The following COL5A1 variants were observed in gnomAD, a reference collection of about 807,000 sequenced individuals.
The protein encoded by COL5A1 is collagen type V alpha 1 chain.
A neutral mutation model predicts 263.7 loss-of-function variants in COL5A1; 16 were observed. That is an observed-to-expected ratio of 0.06 (90% CI 0.04 to 0.09). The LOEUF (loss-of-function observed/expected upper bound fraction) is 0.09. Among genes scored for constraint, COL5A1 ranks in the 10% least tolerant of loss-of-function variants. The pLI is 1.00. For synonymous variants in COL5A1, 1,012 were observed against 1,004.5 expected (o/e 1.01, Z -0.14); for missense variants, 2,036 against 2,540.5 (o/e 0.80, Z 4.27).
intron 52 of COL5A1, 125 bp downstream of exon 52, chr9:134,816,113 C>T (rs892485364): frequency 1.6e-5 from 14 of 868,730 alleles, no homozygotes; most frequent in African/African-American, 9.9e-5. Flanking sequence ...TTTATGATAT[C>T]GATTCCCTTA....
At chr9:134,659,069 C>T (rs1832121385) in intron 1 of COL5A1, among the ~76,000 whole-genome samples, 1 of 152,156 alleles carries the variant, frequency 6.6e-6, no homozygotes. Context: ...AGAGGCCCTG[C>T]AGCTAGGAAG....
chr9:134,737,355 G>C (rs987684554), intron 9 of COL5A1, among the ~76,000 whole-genome samples: 1 of 152,244 alleles, frequency 6.6e-6, no homozygotes, highest in African/African-American at 2.4e-5. Flanking sequence ...CTGGGCGGCT[G>C]ACGGGTGCTG....
At chr9:134,767,235 T>G in intron 23 of COL5A1, 75 bp from the exon 24 acceptor site, 1 of 1,522,376 alleles carries the variant, frequency 6.6e-7, no homozygotes, top group Non-Finnish European at 9.1e-7. Flanking sequence ...AATGAGAAGA[T>G]GGACAGATGG....
intron 64 of COL5A1, among the ~76,000 whole-genome samples, chr9:134,831,532 G>C (rs1185534688): frequency 6.6e-6 from 1 of 152,216 alleles, no homozygotes; most frequent in Non-Finnish European, 1.5e-5. Context: ...GGCCCGGAGG[G>C]ACAGAGCGTA....
chr9:134,737,204 A>G (rs1293389685), intron 9 of COL5A1, among the ~76,000 whole-genome samples: 4 of 152,104 alleles, frequency 2.6e-5, no homozygotes, highest in Non-Finnish European at 4.4e-5. Context: ...TTTGACCTCT[A>G]CGTGGAGGGC....
intron 18 of COL5A1, among the ~76,000 whole-genome samples, chr9:134,761,001 G>C (rs556360303): frequency 0.14 from 19,540 of 142,320 alleles, 2,176 homozygotes; most frequent in African/African-American, 0.3. Context: ...ACATACACGT[G>C]CACACCAGCC....
chr9:134,744,562 CAT>C (rs1347374707), intron 11 of COL5A1, among the ~76,000 whole-genome samples: 1 of 151,760 alleles, frequency 6.6e-6, no homozygotes, highest in Non-Finnish European at 1.5e-5. Flanking sequence ...CACACATCCA[CAT>C]ATACATGCAT....
intron 11 of COL5A1, among the ~76,000 whole-genome samples, chr9:134,746,573 G>A (rs1254604648): frequency 1.3e-5 from 2 of 152,254 alleles, no homozygotes; most frequent in Non-Finnish European, 1.5e-5. Context: ...CTGTGCAAAG[G>A]ACGTCTGGAC....
chr9:134,784,954 G>A, intron 29 of COL5A1, 35 bp from the exon 30 acceptor site: 1 of 1,462,688 alleles, frequency 6.8e-7, no homozygotes, highest in Non-Finnish European at 9.4e-7. Context: ...GTGTGCGGGG[G>A]GTGGTCTTCT....
intron 4 of COL5A1, among the ~76,000 whole-genome samples, chr9:134,704,533 C>T (rs542596658): frequency 4.2e-4 from 64 of 152,280 alleles, no homozygotes; most frequent in African/African-American, 1.4e-3. Context: ...TCTGGTCGAA[C>T]GGTAAGTCAC....
chr9:134,697,900 A>G (rs1833537578), intron 2 of COL5A1, among the ~76,000 whole-genome samples: 1 of 152,186 alleles, frequency 6.6e-6, no homozygotes, highest in African/African-American at 2.4e-5. Flanking sequence ...CCTGACCAAC[A>G]TGGTGAAACC....
intron 27 of COL5A1, 25 bp from the exon 28 acceptor site, chr9:134,780,077 C>A: frequency 6.2e-7 from 1 of 1,613,426 alleles, no homozygotes; most frequent in South Asian, 1.1e-5. Context: ...ACCATTCACT[C>A]CTTTTTCTTT....
intron 2 of COL5A1, among the ~76,000 whole-genome samples, chr9:134,692,918 C>CA (rs1833333173): frequency 6.6e-6 from 1 of 152,022 alleles, no homozygotes; most frequent in African/African-American, 2.4e-5. Flanking sequence ...ACCAAAAATA[C>CA]AAAAATTAGC....
intron 1 of COL5A1, 26 bp from the exon 2 acceptor site, chr9:134,690,886 A>G (rs1305681791): frequency 1.4e-5 from 22 of 1,612,958 alleles, no homozygotes; most frequent in Non-Finnish European, 1.7e-5. Flanking sequence ...TCCGTGGCTA[A>G]CTCTGCTCCT....
At chr9:134,660,898 T>C (rs939651841) in intron 1 of COL5A1, among the ~76,000 whole-genome samples, 2 of 152,152 alleles carry the variant, frequency 1.3e-5, no homozygotes, top group Non-Finnish European at 2.9e-5. Context: ...TGGGTTGAAT[T>C]GTGAGTGCTT....
At position 134,803,010 on chromosome 9, in the gene COL5A1, C is replaced by T. The variant is rs779290396; in HGVS notation, c.3114+15C>T. On this transcript the variant is annotated intron_variant, in intron 39 of 65. Coordinates refer to ENST00000371817, the MANE Select transcript of COL5A1 (RefSeq NM_000093.5). ...AAGGGACGAAGGTGAGTTTCTGGAG[C>T]CTTCTGTGTCAGCTCAGGCGTTTCC... 3 of 1,571,830 alleles carry T rather than the reference C, an allele frequency of 1.9e-6. No individual in the cohort carries two copies. In the South Asian group the frequency reaches 3.5e-5, roughly 18 times the overall value.
intron 9 of COL5A1, among the ~76,000 whole-genome samples, chr9:134,736,505 C>G (rs138953365): frequency 3.9e-4 from 60 of 152,356 alleles, no homozygotes; most frequent in Non-Finnish European, 6.3e-4. Flanking sequence ...TAATCACCTC[C>G]TGAAGATCCC....
At chr9:134,817,707 C>A in intron 53 of COL5A1, 71 bp from the exon 54 acceptor site, 1 of 1,422,776 alleles carries the variant, frequency 7.0e-7, no homozygotes, top group Non-Finnish European at 9.8e-7. Flanking sequence ...ACCCTGAGCG[C>A]CTGCACCCGA....
rs570385890 is a variant in COL5A1, at chr9:134,742,577, C to T, written c.1494+3769C>T. Among the ~76,000 whole-genome samples, 4 of 152,274 alleles carry T rather than the reference C, an allele frequency of 2.6e-5. No homozygotes were observed. The South Asian group carries it at 8.3e-4, about 32-fold the overall frequency. ...GGCAGAAGGAAGGTGGCCACTCTTACTTTGAGGTTCAGAGGAAACCCAAGA... is the reference window on the plus strand; with the variant it reads ...GGCAGAAGGAAGGTGGCCACTCTTATTTTGAGGTTCAGAGGAAACCCAAGA... On this transcript the variant is annotated intron_variant, in intron 11 of 65. Transcript: ENST00000371817. The surrounding 1 kb of genome is among the most constrained non-coding windows in gnomAD (Gnocchi z 4.6).
Sources: allele counts gnomAD v4.1 joint callset (sites outside exome capture counted in the v4.1 genomes callset), GRCh38; gene constraint gnomAD v4.1.1; non-coding constraint Gnocchi (gnomAD v3.1); transcripts MANE v1.5; gene names NCBI Gene and HGNC (gene_info 2026-07-23, HGNC 2026-07-21).